The following DNAH14 variants were observed in gnomAD, a reference collection of about 807,000 sequenced individuals.
DNAH14 encodes axonemal beta dynein heavy chain 14.
In DNAH14, 478 loss-of-function variants were observed where a neutral mutation model predicts 520.9. That is an observed-to-expected ratio of 0.92 (90% CI 0.85 to 0.99). The LOEUF (loss-of-function observed/expected upper bound fraction) is 0.99, where lower values mean the gene tolerates loss of function less well. DNAH14 is among the 50% of genes least tolerant of loss of function. DNAH14 has a pLI of 0.00. For synonymous variants in DNAH14, 1,581 were observed against 1,757.2 expected, an observed-to-expected ratio of 0.90 and a Z score of 2.51; for missense variants, 4,831 against 5,234.5, an observed-to-expected ratio of 0.92 and a Z score of 2.38.
chr1:225,384,244 C>G (rs2095814117), intron 81 of DNAH14, among the ~76,000 whole-genome samples: 1 of 152,136 alleles, frequency 6.6e-6, no homozygotes, highest in South Asian at 2.1e-4. Context: ...CTGTAGATGT[C>G]TATTAGGTCC....
chr1:225,023,630 G>C lies in DNAH14; in HGVS notation c.1123G>C (p.Glu375Gln), dbSNP rs1330961201. ...TAAATTGTAGGTTGCAGAAAAGAAT[G>C]AAATCAAAGAGTATTTTGAGTCAAA... ...STFLKVAEKN[E>Q]IKEYFESKLS... The change falls in exon 11 of 86, where the codon GAA becomes CAA. Residue 375 changes from glutamate to glutamine, a missense_variant. Coordinates refer to ENST00000682510, the MANE Select transcript of DNAH14 (RefSeq NM_001367479.1). 2.0e-6 allele frequency: 3 copies of C among 1,523,132 alleles called. No individual in the cohort carries two copies. The highest frequency in any genetic ancestry group is 2.7e-6 in the Non-Finnish European group (3 of 1,130,592). The allele number at this position is 1,523,132 out of a possible 1,614,324, so 94.4% of individuals were successfully genotyped here.
chr1:225,368,113 TGTGA>T (rs2095575471), intron 77 of DNAH14, 81 bp downstream of exon 77: 2 of 1,206,442 alleles, frequency 1.7e-6, no homozygotes, highest in South Asian at 3.1e-5. Context: ...CCTACACAAA[TGTGA>T]GTGTTTTACA....
chr1:225,189,458 T>C (rs1048813056), intron 37 of DNAH14, among the ~76,000 whole-genome samples: 2 of 151,590 alleles, frequency 1.3e-5, no homozygotes, highest in Non-Finnish European at 1.5e-5. Flanking sequence ...GTGTTAATTC[T>C]TCTTTAAGTG....
chr1:225,031,500 GA>G (rs1388216783), intron 11 of DNAH14, among the ~76,000 whole-genome samples: 1 of 23,970 alleles, frequency 4.2e-5, no homozygotes, highest in Admixed American at 9.3e-4. Context: ...GCCCCTTACA[GA>G]AAAGGTTTTG....
intron 64 of DNAH14, among the ~76,000 whole-genome samples, chr1:225,329,191 T>C (rs1186048054): frequency 9.9e-5 from 15 of 152,108 alleles, no homozygotes; most frequent in Non-Finnish European, 1.5e-5. Context: ...TCAGTGTAGA[T>C]TTGACAAGGC....
At chr1:225,159,710 A>G (rs989587272) in intron 35 of DNAH14, among the ~76,000 whole-genome samples, 5 of 152,216 alleles carry the variant, frequency 3.3e-5, no homozygotes, top group African/African-American at 1.2e-4. Flanking sequence ...CCTTTAGGCA[A>G]GGATGATCAT....
intron 44 of DNAH14, 73 bp from the exon 45 acceptor site, chr1:225,257,887 C>CAAAAAAAA: frequency 1.0e-6 from 1 of 957,190 alleles, no homozygotes; most frequent in East Asian, 3.1e-5. Context: ...ATCCTAATGA[C>CAAAAAAAA]AAAAAAAAAA....
At chr1:225,243,470 A>G (rs2092091668) in intron 43 of DNAH14, among the ~76,000 whole-genome samples, 1 of 152,136 alleles carries the variant, frequency 6.6e-6, no homozygotes, top group African/African-American at 2.4e-5. Context: ...TTAAGGAAAT[A>G]TACCACCAAA....
intron 27 of DNAH14, among the ~76,000 whole-genome samples, chr1:225,140,447 C>A (rs775007976): frequency 1.3e-5 from 2 of 152,160 alleles, no homozygotes; most frequent in African/African-American, 4.8e-5. Flanking sequence ...GCAGAGAAAG[C>A]AGCACTAATA....
intron 1 of DNAH14, among the ~76,000 whole-genome samples, chr1:224,943,745 A>G (rs561189105): frequency 6.6e-6 from 1 of 151,860 alleles, no homozygotes; most frequent in African/African-American, 2.4e-5. Flanking sequence ...CCTTCATTTC[A>G]TTATGTACCC....
At chr1:224,929,978 T>C (rs2125310601) in intron 1 of DNAH14, 143 bp downstream of exon 1, 1 of 445,408 alleles carries the variant, frequency 2.2e-6, no homozygotes, top group Non-Finnish European at 3.9e-6. Flanking sequence ...TGGGAGCGCC[T>C]CCGAGTCCCC....
chr1:224,964,008 C>T (rs1321743642), intron 4 of DNAH14, among the ~76,000 whole-genome samples: 1 of 151,954 alleles, frequency 6.6e-6, no homozygotes, highest in African/African-American at 2.4e-5. Flanking sequence ...AAATAAAAGC[C>T]AAGAAAAGAG....
At chr1:225,324,590 G>A (rs2094617117) in intron 63 of DNAH14, 147 bp from the exon 64 acceptor site, 1 of 913,082 alleles carries the variant, frequency 1.1e-6, no homozygotes, top group South Asian at 1.8e-5. Context: ...CACCATAATA[G>A]GCAACTTTGT....
At chr1:225,057,960 T>C (rs1341112612) in intron 17 of DNAH14, among the ~76,000 whole-genome samples, 1 of 152,228 alleles carries the variant, frequency 6.6e-6, no homozygotes, top group African/African-American at 2.4e-5. Context: ...TTTGCATTGA[T>C]GTTCATCAGG....
At chr1:225,371,409 T>C (rs943794940) in intron 77 of DNAH14, among the ~76,000 whole-genome samples, 10 of 151,960 alleles carry the variant, frequency 6.6e-5, no homozygotes, top group African/African-American at 1.4e-4. Flanking sequence ...CCTAAAGTAA[T>C]AGGATTAAAA....
intron 37 of DNAH14, among the ~76,000 whole-genome samples, chr1:225,190,876 G>A (rs1479952113): frequency 6.6e-6 from 1 of 151,912 alleles, no homozygotes; most frequent in African/African-American, 2.4e-5. Context: ...GTGGTATTTT[G>A]TTGTGGCAGC....
chr1:225,173,635 AAT>A (rs2082964175), intron 36 of DNAH14, among the ~76,000 whole-genome samples: 1 of 152,190 alleles, frequency 6.6e-6, no homozygotes, highest in African/African-American at 2.4e-5. Context: ...GATGTGGAGA[AAT>A]AGAAACACTT....
chr1:225,378,980 C>G (rs1458263426), intron 79 of DNAH14, among the ~76,000 whole-genome samples: 1 of 152,054 alleles, frequency 6.6e-6, no homozygotes, highest in Non-Finnish European at 1.5e-5. Flanking sequence ...CATCCACTAA[C>G]TGTCTAAGGA....
At chr1:225,296,089 A>G (rs916521191) in intron 55 of DNAH14, among the ~76,000 whole-genome samples, 1 of 152,070 alleles carries the variant, frequency 6.6e-6, no homozygotes, top group African/African-American at 2.4e-5. Flanking sequence ...TTTGCATGGA[A>G]TATCTTTTTC....
Sources: gnomAD v4.1 joint callset for allele counts (sites outside exome capture counted in the v4.1 genomes callset) on GRCh38, gnomAD v4.1.1 for gene constraint, MANE v1.5 for transcripts, NCBI Gene and HGNC (gene_info 2026-07-23, HGNC 2026-07-21) for gene names.